The following MARCHF3 variants were observed in gnomAD, a reference collection of about 807,000 sequenced individuals.
MARCHF3 encodes the protein membrane associated ring-CH-type finger 3.
A neutral mutation model predicts 24.2 loss-of-function variants in MARCHF3; 13 were observed. That is an observed-to-expected ratio of 0.54 (90% CI 0.35 to 0.85). The LOEUF is 0.85. Among genes scored for constraint, MARCHF3 ranks in the 40% least tolerant of loss-of-function variants. MARCHF3 has a pLI of 0.01. For missense variants in MARCHF3, 276 were observed against 325.0 expected, an observed-to-expected ratio of 0.85 and a Z score of 1.16; for synonymous variants, 144 against 137.3, an observed-to-expected ratio of 1.05 and a Z score of -0.34.
intron 3 of MARCHF3, among the ~76,000 whole-genome samples, chr5:126,906,706 C>CT (rs1023716917): frequency 3.3e-5 from 5 of 152,148 alleles, no homozygotes; most frequent in Admixed American, 2.6e-4. Context: ...ATTCTTCTCT[C>CT]TTTTTTTCTT....
rs949239154 is a variant in MARCHF3 at position 126,869,830 on chromosome 5, TA to T, written c.*802del. 1 of 152,414 alleles carries T rather than the reference TA, an allele frequency of 6.6e-6. No homozygotes were observed. The highest frequency in any genetic ancestry group is 2.4e-5 in the African/African-American group (1 of 41,360). 9.4% of individuals were successfully genotyped at this position (152,414 alleles called of 1,614,324 possible). A position where few individuals can be genotyped will look rare whatever the true frequency, so the allele number is the denominator to read the frequency against. On this transcript the variant is annotated 3_prime_UTR_variant, in exon 5 of 5. Coordinates refer to ENST00000308660, the MANE Select transcript of MARCHF3 (RefSeq NM_178450.5). Reference sequence around the variant, plus strand: ...TGGGAAACTTCACAGGTTTTATCATTAAAAAAAGAGTATTGCAATCAGTGGG... The same window carrying T: ...TGGGAAACTTCACAGGTTTTATCATTAAAAAAGAGTATTGCAATCAGTGGG...
intron 3 of MARCHF3, among the ~76,000 whole-genome samples, chr5:126,890,046 C>T (rs182412532): frequency 6.6e-6 from 1 of 152,144 alleles, no homozygotes; most frequent in Non-Finnish European, 1.5e-5. Flanking sequence ...TCTGTGCAGG[C>T]ATCTGTGTTA....
At chr5:126,873,193 C>CTT (rs1344496959) in intron 4 of MARCHF3, among the ~76,000 whole-genome samples, 27 of 152,134 alleles carry the variant, frequency 1.8e-4, no homozygotes, top group Admixed American at 1.8e-3. Context: ...GCATCCTCTA[C>CTT]TTAGTGGTTA....
At chr5:126,954,502 G>A (rs1750368513) in intron 1 of MARCHF3, among the ~76,000 whole-genome samples, 1 of 151,600 alleles carries the variant, frequency 6.6e-6, no homozygotes, top group Non-Finnish European at 1.5e-5. Flanking sequence ...TCCTGGATAG[G>A]TAGGACTGCA....
chr5:126,918,687 GGAGA>G (rs1031296324), intron 1 of MARCHF3, among the ~76,000 whole-genome samples: 16 of 152,168 alleles, frequency 1.1e-4, no homozygotes, highest in African/African-American at 3.6e-4. Context: ...AAGATTAAAA[GGAGA>G]GAGAAAGAAG....
intron 3 of MARCHF3, among the ~76,000 whole-genome samples, chr5:126,891,196 T>C (rs1369464056): frequency 1.3e-5 from 2 of 151,782 alleles, no homozygotes; most frequent in Non-Finnish European, 2.9e-5. Flanking sequence ...TAGCCCTTTG[T>C]CAGATGAGTA....
chr5:126,906,017 T>C (rs1754280415), intron 3 of MARCHF3, among the ~76,000 whole-genome samples: 1 of 151,798 alleles, frequency 6.6e-6, no homozygotes, highest in African/African-American at 2.4e-5. Context: ...TGAGAGTTTT[T>C]AGCATGAAGG....
At chr5:126,919,032 G>A (rs1422878552) in intron 1 of MARCHF3, among the ~76,000 whole-genome samples, 1 of 152,160 alleles carries the variant, frequency 6.6e-6, no homozygotes, top group South Asian at 2.1e-4. Context: ...ATAGGAGAAC[G>A]TGAGAAAATA....
intron 1 of MARCHF3, among the ~76,000 whole-genome samples, chr5:126,970,951 A>G (rs150958968): frequency 6.6e-4 from 100 of 152,344 alleles, no homozygotes; most frequent in African/African-American, 2.2e-3. Flanking sequence ...CTGATGTCAC[A>G]TGAAGCAGAA....
At chr5:126,970,336 C>T (rs1750965238) in intron 1 of MARCHF3, among the ~76,000 whole-genome samples, 1 of 152,192 alleles carries the variant, frequency 6.6e-6, no homozygotes, top group Admixed American at 6.5e-5. Flanking sequence ...GATACACCCA[C>T]CTCAGCCTCC....
chr5:126,908,333 T>C (rs374686586), intron 3 of MARCHF3, among the ~76,000 whole-genome samples: 9,149 of 151,990 alleles, frequency 0.06, 529 homozygotes, highest in African/African-American at 0.15. Context: ...ATCTTTGTGG[T>C]GTTCTCTGTA....
intron 1 of MARCHF3, among the ~76,000 whole-genome samples, chr5:126,979,668 G>T (rs1199840933): frequency 6.6e-6 from 1 of 152,106 alleles, no homozygotes; most frequent in Non-Finnish European, 1.5e-5. Context: ...TGAAAGTGAG[G>T]CCAGGCGCAG....
intron 3 of MARCHF3, among the ~76,000 whole-genome samples, chr5:126,909,422 G>A (rs1297017521): frequency 6.6e-6 from 1 of 152,198 alleles, no homozygotes; most frequent in Non-Finnish European, 1.5e-5. Flanking sequence ...CCCCAGCCTC[G>A]CTGTCGCCTT....
rs74874635 is a variant in MARCHF3 at position 126,909,828 on chromosome 5, C to G, written c.393+5102G>C. ...GAGCTGTTCCTATTCTCTGGGCACACTTTAAAACCATTGTCCTCCAGTGAC... is the reference window on the plus strand; with the variant it reads ...GAGCTGTTCCTATTCTCTGGGCACAGTTTAAAACCATTGTCCTCCAGTGAC... On this transcript the variant is annotated intron_variant, in intron 3 of 4. Coordinates refer to ENST00000308660, the MANE Select transcript of MARCHF3 (RefSeq NM_178450.5). Among the ~76,000 whole-genome samples the G allele has an allele frequency of 8.4e-3, 1,285 of 152,148 alleles. 18 individuals carry two copies. Among genetic ancestry groups the G allele is most frequent in the East Asian group, 0.025 (130 of 5,168 alleles).
At chr5:126,876,643 T>C (rs1362652747) in intron 4 of MARCHF3, among the ~76,000 whole-genome samples, 1 of 152,092 alleles carries the variant, frequency 6.6e-6, no homozygotes, top group Non-Finnish European at 1.5e-5. Flanking sequence ...AGGATGAACT[T>C]TGGAAGCGTA....
chr5:126,907,784 T>A (rs1347671928), intron 3 of MARCHF3, among the ~76,000 whole-genome samples: 8 of 149,878 alleles, frequency 5.3e-5, no homozygotes, highest in Non-Finnish European at 8.9e-5. Context: ...AATTTGCCAG[T>A]CTGTGTCTTT....
At chr5:127,027,462 G>A (rs1470246020) in intron 1 of MARCHF3, among the ~76,000 whole-genome samples, 1 of 152,152 alleles carries the variant, frequency 6.6e-6, no homozygotes, top group Non-Finnish European at 1.5e-5. Flanking sequence ...CCTTGCAGGA[G>A]GAAATGCTCA....
At chr5:126,940,875 A>T (rs911361380) in intron 1 of MARCHF3, among the ~76,000 whole-genome samples, 4 of 152,194 alleles carry the variant, frequency 2.6e-5, no homozygotes, top group African/African-American at 4.8e-5. Context: ...ACAAGCATGC[A>T]ATGTGAAATA....
At chr5:126,990,790 T>A (rs1296187307) in intron 1 of MARCHF3, among the ~76,000 whole-genome samples, 1 of 152,128 alleles carries the variant, frequency 6.6e-6, no homozygotes, top group Non-Finnish European at 1.5e-5. Flanking sequence ...AACAGACACA[T>A]GAAAAAGTGC....
Sources: allele counts gnomAD v4.1 joint callset (sites outside exome capture counted in the v4.1 genomes callset), GRCh38; gene constraint gnomAD v4.1.1; transcripts MANE v1.5; gene names NCBI Gene and HGNC (gene_info 2026-07-23, HGNC 2026-07-21).